Variants in GUCY1A2 observed in about 807,000 individuals in gnomAD.
GUCY1A2 encodes guanylate cyclase soluble subunit alpha-2.
Under a neutral mutation model 63.5 loss-of-function variants are expected in GUCY1A2, and 27 were observed. That is an observed-to-expected ratio of 0.43 (90% CI 0.31 to 0.59). The LOEUF (loss-of-function observed/expected upper bound fraction) is 0.59, where lower values mean the gene tolerates loss of function less well. GUCY1A2 is among the 20% of genes least tolerant of loss of function. The pLI, the probability that GUCY1A2 is intolerant of heterozygous loss-of-function variation, is 0.11. For missense variants in GUCY1A2, 768 were observed against 913.3 expected, an observed-to-expected ratio of 0.84 and a Z score of 2.05; for synonymous variants, 364 against 343.5, an observed-to-expected ratio of 1.06 and a Z score of -0.66.
intron 4 of GUCY1A2, among the ~76,000 whole-genome samples, chr11:106,871,951 A>G (rs61902984): frequency 0.023 from 3,560 of 152,280 alleles, 68 homozygotes; most frequent in Middle Eastern, 0.065. Flanking sequence ...GCATATTACC[A>G]GCCTTGACGT....
chr11:106,852,368 C>T (rs1254276233), intron 4 of GUCY1A2, among the ~76,000 whole-genome samples: 1 of 151,996 alleles, frequency 6.6e-6, no homozygotes, highest in Non-Finnish European at 1.5e-5. Context: ...GTGGTGAAAG[C>T]AGACATCTTT....
intron 5 of GUCY1A2, among the ~76,000 whole-genome samples, chr11:106,785,208 C>A (rs1864535529): frequency 6.6e-6 from 1 of 152,096 alleles, no homozygotes; most frequent in African/African-American, 2.4e-5. Context: ...CCCTGAAAGC[C>A]TCATGGATGC....
In GUCY1A2 at chr11:106,797,007, C is replaced by G. The variant is rs868422492; in HGVS notation, c.1692+12986G>C. On this transcript the variant is annotated intron_variant, in intron 5 of 7. Transcript: ENST00000526355. Reference sequence around the variant, plus strand: ...TCTTTTTTCTCTAAACTTCTCTTCTCGCTTCATTTCATTCATTTGATCTTC... The same window carrying G: ...TCTTTTTTCTCTAAACTTCTCTTCTGGCTTCATTTCATTCATTTGATCTTC... Among the ~76,000 whole-genome samples, 7 of 152,140 alleles carry G rather than the reference C, an allele frequency of 4.6e-5. No homozygotes were observed. In the East Asian group the frequency reaches 1.4e-3, roughly 29 times the overall value.
intron 1 of GUCY1A2, among the ~76,000 whole-genome samples, chr11:107,002,801 G>A (rs1032856324): frequency 2.0e-5 from 3 of 152,086 alleles, no homozygotes; most frequent in African/African-American, 7.2e-5. Context: ...ATAATTGCTA[G>A]ATATACAAAA....
intron 1 of GUCY1A2, among the ~76,000 whole-genome samples, chr11:107,011,600 C>A (rs3133356): frequency 0.66 from 93,438 of 141,552 alleles, 30,469 homozygotes; most frequent in East Asian, 0.79. Context: ...AAATATATAT[C>A]TTTAATATAT....
intron 4 of GUCY1A2, among the ~76,000 whole-genome samples, chr11:106,899,200 A>G (rs1338540390): frequency 2.0e-5 from 3 of 152,328 alleles, no homozygotes; most frequent in South Asian, 4.1e-4. Context: ...TTAAGAAATA[A>G]CATTAGGAAA....
At chr11:106,915,005 C>A (rs1294259091) in intron 4 of GUCY1A2, among the ~76,000 whole-genome samples, 1 of 152,094 alleles carries the variant, frequency 6.6e-6, no homozygotes, top group Non-Finnish European at 1.5e-5. Flanking sequence ...GTATGTACAG[C>A]AATCCTGCAA....
At chr11:106,849,056 T>C (rs528256737) in intron 4 of GUCY1A2, among the ~76,000 whole-genome samples, 4 of 151,686 alleles carry the variant, frequency 2.6e-5, no homozygotes, top group South Asian at 2.1e-4. Context: ...TAGAGTATCT[T>C]TAATCTTTGC....
chr11:106,786,891 T>C (rs1444924598), intron 5 of GUCY1A2, among the ~76,000 whole-genome samples: 1 of 152,164 alleles, frequency 6.6e-6, no homozygotes, highest in East Asian at 1.9e-4. Flanking sequence ...CTTTAGAAAA[T>C]AATATTGAGT....
intron 7 of GUCY1A2, 134 bp downstream of exon 7, chr11:106,708,378 T>C: frequency 5.0e-6 from 3 of 594,486 alleles, no homozygotes; most frequent in Non-Finnish European, 8.6e-6. Flanking sequence ...ATCTATCTTT[T>C]GGGTTTGGGC....
chr11:106,852,739 T>C (rs1178387435), intron 4 of GUCY1A2, among the ~76,000 whole-genome samples: 1 of 152,144 alleles, frequency 6.6e-6, no homozygotes, highest in East Asian at 1.9e-4. Context: ...TGCATCTTTG[T>C]CCATCAGGAA....
chr11:106,945,057 T>C (rs10890625), intron 3 of GUCY1A2, among the ~76,000 whole-genome samples: 8,880 of 151,166 alleles, frequency 0.059, 764 homozygotes, highest in East Asian at 0.29. Context: ...TGGAAAATCC[T>C]ACATCTACAG....
At chr11:107,003,861 T>C (rs1025742183) in intron 1 of GUCY1A2, among the ~76,000 whole-genome samples, 1 of 152,046 alleles carries the variant, frequency 6.6e-6, no homozygotes, top group African/African-American at 2.4e-5. Context: ...GTTCTTGGGA[T>C]CAACAACCAT....
intron 6 of GUCY1A2, among the ~76,000 whole-genome samples, chr11:106,740,155 T>A (rs759952439): frequency 1.3e-5 from 2 of 151,920 alleles, no homozygotes; most frequent in Non-Finnish European, 2.9e-5. Context: ...CCCACCACCA[T>A]GTCCGGCTAA....
At chr11:106,721,417 A>C (rs906300712) in intron 6 of GUCY1A2, among the ~76,000 whole-genome samples, 1 of 152,212 alleles carries the variant, frequency 6.6e-6, no homozygotes, top group Admixed American at 6.5e-5. Context: ...ACAGTAAGGG[A>C]CTGTTATGTG....
At chr11:106,936,909 C>T (rs1414678306) in intron 4 of GUCY1A2, among the ~76,000 whole-genome samples, 1 of 152,024 alleles carries the variant, frequency 6.6e-6, no homozygotes. Context: ...ACAAGAATAG[C>T]TATTATGGGG....
intron 6 of GUCY1A2, among the ~76,000 whole-genome samples, chr11:106,756,710 A>C (rs1184192761): frequency 6.6e-6 from 1 of 152,146 alleles, no homozygotes; most frequent in East Asian, 1.9e-4. Context: ...TTTTGCCGAG[A>C]GATCTGCTGT....
intron 5 of GUCY1A2, among the ~76,000 whole-genome samples, chr11:106,804,284 A>G (rs1159461140): frequency 6.6e-6 from 1 of 152,236 alleles, no homozygotes; most frequent in Non-Finnish European, 1.5e-5. Context: ...AGACTACTGA[A>G]GAGAACTAAC....
intron 4 of GUCY1A2, among the ~76,000 whole-genome samples, chr11:106,810,970 A>G (rs1401708039): frequency 1.3e-5 from 2 of 152,150 alleles, no homozygotes; most frequent in Non-Finnish European, 2.9e-5. Context: ...CAACTATTAT[A>G]GTACTTTTAA....
Sources: gnomAD v4.1 joint callset for allele counts (sites outside exome capture counted in the v4.1 genomes callset) on GRCh38, gnomAD v4.1.1 for gene constraint, MANE v1.5 for transcripts, NCBI Gene and HGNC (gene_info 2026-07-23, HGNC 2026-07-21) for gene names.